SPAG16: variants seen among roughly 807,000 people sequenced by gnomAD.
SPAG16 encodes the protein sperm associated antigen 16.
Under a neutral mutation model 80.4 loss-of-function variants are expected in SPAG16, and 86 were observed. The observed-to-expected ratio is 1.07, with a 90% CI of 0.90 to 1.28. The LOEUF (loss-of-function observed/expected upper bound fraction) is 1.28, where lower values mean the gene tolerates loss of function less well. Among genes scored for constraint, SPAG16 ranks in the 50% most tolerant of loss-of-function variants. SPAG16 has a pLI of 0.00. For missense variants in SPAG16, 870 were observed against 765.3 expected (o/e 1.14, Z -1.61); for synonymous variants, 294 against 265.9 (o/e 1.11, Z -1.03).
chr2:213,921,855 A>T (rs1216073927), intron 11 of SPAG16, among the ~76,000 whole-genome samples: 3 of 152,190 alleles, frequency 2.0e-5, no homozygotes, highest in Non-Finnish European at 2.9e-5. Context: ...GAATATAAGC[A>T]CTCAATGTCT....
chr2:214,113,015 C>T (rs900218357), intron 14 of SPAG16, among the ~76,000 whole-genome samples: 3 of 152,090 alleles, frequency 2.0e-5, no homozygotes, highest in Non-Finnish European at 4.4e-5. Context: ...AAGGCAGGCC[C>T]GGGTGGTGAC....
intron 11 of SPAG16, among the ~76,000 whole-genome samples, chr2:213,924,522 T>G (rs944297084): frequency 7.2e-5 from 11 of 152,242 alleles, no homozygotes; most frequent in Non-Finnish European, 5.9e-5. Context: ...CAGTGTTGAC[T>G]AGCCTTTTAG....
intron 15 of SPAG16, among the ~76,000 whole-genome samples, chr2:214,345,280 C>T (rs1044486603): frequency 6.6e-6 from 1 of 152,114 alleles, no homozygotes; most frequent in Non-Finnish European, 1.5e-5. Context: ...TGACATTTGG[C>T]TAATATCTGC....
chr2:214,393,598 A>T (rs111559527), intron 15 of SPAG16, among the ~76,000 whole-genome samples: 1 of 151,954 alleles, frequency 6.6e-6, no homozygotes, highest in Non-Finnish European at 1.5e-5. Flanking sequence ...ACATATCAAG[A>T]TCATTTAAGT....
At chr2:213,296,031 T>C (rs576503519) in intron 1 of SPAG16, 33 bp from the exon 2 acceptor site, 32 of 1,581,184 alleles carry the variant, frequency 2.0e-5, no homozygotes, top group Non-Finnish European at 2.7e-5. Context: ...TTATTCTATA[T>C]TTTTTGAGAT....
intron 7 of SPAG16, 128 bp downstream of exon 7, chr2:213,350,773 G>C: frequency 1.8e-6 from 1 of 563,052 alleles, no homozygotes; most frequent in Admixed American, 3.5e-5. Flanking sequence ...ATGTAAAAGA[G>C]ATCCATTTGG....
At chr2:213,305,497 A>G (rs1257523826) in intron 3 of SPAG16, among the ~76,000 whole-genome samples, 2 of 152,092 alleles carry the variant, frequency 1.3e-5, no homozygotes, top group South Asian at 2.1e-4. Context: ...TGGGTCTGTC[A>G]TATATGGCGT....
intron 13 of SPAG16, among the ~76,000 whole-genome samples, chr2:214,078,799 A>G (rs1438906136): frequency 2.6e-5 from 4 of 152,188 alleles, no homozygotes; most frequent in Non-Finnish European, 5.9e-5. Context: ...TCTCTATGAA[A>G]TTAAGAAACA....
intron 12 of SPAG16, among the ~76,000 whole-genome samples, chr2:213,939,645 A>T (rs990979713): frequency 1.2e-4 from 19 of 152,310 alleles, no homozygotes; most frequent in African/African-American, 4.3e-4. Context: ...AATTAAGATC[A>T]TTTGAAGCGG....
intron 12 of SPAG16, among the ~76,000 whole-genome samples, chr2:213,931,987 T>C (rs1160846887): frequency 1.3e-5 from 2 of 151,746 alleles, no homozygotes; most frequent in Admixed American, 6.6e-5. Flanking sequence ...TACTCTCAGA[T>C]CAATACAATA....
rs576524643 is a variant in SPAG16, at chr2:213,891,209, C to A, written c.1214+28581C>A. Reference sequence around the variant, plus strand: ...GTTTCAGGTAGTGCTAATATAATTACAATTCTTAAGTCAATTGATGGACAC... The same window carrying A: ...GTTTCAGGTAGTGCTAATATAATTAAAATTCTTAAGTCAATTGATGGACAC... On this transcript the variant is annotated intron_variant, in intron 11 of 15. Coordinates refer to ENST00000331683, the MANE Select transcript of SPAG16 (RefSeq NM_024532.5). Among the ~76,000 whole-genome samples the A allele has an allele frequency of 6.6e-5, 10 of 152,080 alleles. 2 individuals are homozygous for A. Among genetic ancestry groups the A allele is most frequent in the African/African-American group, 2.4e-4 (10 of 41,504 alleles).
intron 6 of SPAG16, among the ~76,000 whole-genome samples, chr2:213,350,288 A>G (rs940914771): frequency 1.2e-4 from 19 of 152,306 alleles, no homozygotes; most frequent in Middle Eastern, 6.8e-3. Flanking sequence ...AAAAGGTGCT[A>G]GTAGGAAATA....
chr2:214,150,795 G>A (rs2055937045), intron 15 of SPAG16, among the ~76,000 whole-genome samples: 1 of 151,852 alleles, frequency 6.6e-6, no homozygotes, highest in South Asian at 2.1e-4. Context: ...TGCCATCCTT[G>A]TCATCCAGCC....
chr2:213,935,037 C>T (rs941945767), intron 12 of SPAG16, among the ~76,000 whole-genome samples: 2 of 151,880 alleles, frequency 1.3e-5, no homozygotes, highest in Non-Finnish European at 1.5e-5. Context: ...CCTGTCTCTA[C>T]TGAAAATACA....
intron 9 of SPAG16, among the ~76,000 whole-genome samples, chr2:213,381,315 C>T (rs979593301): frequency 5.9e-5 from 9 of 152,292 alleles, no homozygotes; most frequent in Admixed American, 5.9e-4. Context: ...GTGAACCCAA[C>T]ATGATACAAT....
At chr2:213,401,420 T>A (rs1440040320) in intron 9 of SPAG16, among the ~76,000 whole-genome samples, 1 of 152,262 alleles carries the variant, frequency 6.6e-6, no homozygotes, top group Non-Finnish European at 1.5e-5. Flanking sequence ...TTCTTATACA[T>A]TAAATTCTGT....
intron 10 of SPAG16, among the ~76,000 whole-genome samples, chr2:213,856,146 A>G (rs145364262): frequency 5.0e-4 from 76 of 152,332 alleles, no homozygotes; most frequent in African/African-American, 1.5e-3. Context: ...AAATTGGCCA[A>G]AACAAAGGGG....
chr2:214,009,110 C>T (rs1466325478), intron 12 of SPAG16, among the ~76,000 whole-genome samples: 1 of 152,136 alleles, frequency 6.6e-6, no homozygotes, highest in East Asian at 1.9e-4. Flanking sequence ...AGCAGGAAAT[C>T]TCTGCTAGAC....
chr2:213,354,248 G>A (rs1322801251), intron 7 of SPAG16, among the ~76,000 whole-genome samples: 1 of 152,184 alleles, frequency 6.6e-6, no homozygotes, highest in Non-Finnish European at 1.5e-5. Context: ...AGTATTCCAT[G>A]ATGTATATGT....
Sources: allele counts gnomAD v4.1 joint callset (sites outside exome capture counted in the v4.1 genomes callset), GRCh38; gene constraint gnomAD v4.1.1; transcripts MANE v1.5; gene names NCBI Gene and HGNC (gene_info 2026-07-23, HGNC 2026-07-21).